The following BLTP1 variants were observed in gnomAD, a reference collection of about 807,000 sequenced individuals.
BLTP1 encodes the protein fragile site-associated protein.
chr4:122,246,138 T>TA, the BLTP1 span: 2 of 1,550,770 alleles, frequency 1.3e-6, no homozygotes, highest in East Asian at 2.3e-5. Flanking sequence ...TAATTTCACT[T>TA]ACGATCTTTT....
At chr4:122,208,459 A>G in the BLTP1 span, 10 of 978,570 alleles carry the variant, frequency 1.0e-5, no homozygotes, top group African/African-American at 1.4e-4. Flanking sequence ...TTGATTTGCC[A>G]GTTCTGAATT....
the BLTP1 span, chr4:122,277,675 T>A: frequency 2.0e-6 from 2 of 977,752 alleles, no homozygotes; most frequent in Non-Finnish European, 2.4e-6. Flanking sequence ...TATCATTTGT[T>A]TACCACTCAC....
chr4:122,311,540 A>T, the BLTP1 span, among the ~76,000 whole-genome samples: 1 of 152,126 alleles, frequency 6.6e-6, no homozygotes, highest in Non-Finnish European at 1.5e-5. Flanking sequence ...GAAATAAGGA[A>T]TGTTAGGATT....
the BLTP1 span, among the ~76,000 whole-genome samples, chr4:122,290,746 C>T: frequency 1.5e-5 from 2 of 130,996 alleles, no homozygotes; most frequent in African/African-American, 5.9e-5. Flanking sequence ...GAGATGGCGC[C>T]ACTGTGCTCC....
chr4:122,269,960 T>A, the BLTP1 span, among the ~76,000 whole-genome samples: 1 of 152,202 alleles, frequency 6.6e-6, no homozygotes, highest in East Asian at 1.9e-4. Flanking sequence ...TTTATTTGAA[T>A]CTCCCCTCTT....
At chr4:122,270,511 T>G in the BLTP1 span, 1 of 262,492 alleles carries the variant, frequency 3.8e-6, no homozygotes, top group Non-Finnish European at 5.9e-6. Flanking sequence ...TTTATCAGAT[T>G]TTAAGGTTTT....
At chr4:122,231,978 C>A in the BLTP1 span, 2 of 841,682 alleles carry the variant, frequency 2.4e-6, no homozygotes, top group South Asian at 5.5e-5. Flanking sequence ...AATTGGATTT[C>A]TTTGTTATAT....
the BLTP1 span, chr4:122,344,525 G>A: frequency 1.2e-6 from 2 of 1,613,340 alleles, no homozygotes; most frequent in Non-Finnish European, 1.7e-6. Flanking sequence ...AAGCAAGTCT[G>A]CAAGCAAAAT....
the BLTP1 span, chr4:122,271,444 C>G: frequency 6.2e-7 from 1 of 1,613,682 alleles, no homozygotes. Flanking sequence ...ATGCAAAGAA[C>G]AAACGGACCA....
the BLTP1 span, chr4:122,174,688 A>G: frequency 7.3e-7 from 1 of 1,365,446 alleles, no homozygotes; most frequent in Non-Finnish European, 1.0e-6. Flanking sequence ...GACCCATGTT[A>G]AACATACTTT....
chr4:122,201,636 G>A, the BLTP1 span, among the ~76,000 whole-genome samples: 1 of 152,150 alleles, frequency 6.6e-6, no homozygotes, highest in African/African-American at 2.4e-5. Context: ...TGATAGCTTT[G>A]CATATTTTGT....
At chr4:122,362,139 A>AG in the BLTP1 span, 1 of 1,613,690 alleles carries the variant, frequency 6.2e-7, no homozygotes, top group Non-Finnish European at 8.5e-7. Context: ...GGCTTCAAAG[A>AG]GGAGTCATGG....
the BLTP1 span, chr4:122,185,193 G>T: frequency 1.0e-6 from 1 of 982,602 alleles, no homozygotes; most frequent in South Asian, 4.7e-5. Context: ...ACCAAGTGAT[G>T]ATAAAATCAG....
the BLTP1 span, chr4:122,351,365 C>T: frequency 7.8e-6 from 2 of 255,974 alleles, no homozygotes; most frequent in Admixed American, 6.5e-5. Context: ...TGTATATATG[C>T]GTACATTTTA....
chr4:122,225,607 A>G, the BLTP1 span: 1 of 152,172 alleles, frequency 6.6e-6, no homozygotes, highest in South Asian at 2.1e-4. Flanking sequence ...AAAAATTAAT[A>G]TTCTAGAAAT....
the BLTP1 span, among the ~76,000 whole-genome samples, chr4:122,358,872 T>C: frequency 6.6e-6 from 1 of 152,114 alleles, no homozygotes; most frequent in East Asian, 1.9e-4. Context: ...CTAATACCTA[T>C]GTTGCAGATT....
chr4:122,237,989 A>G, the BLTP1 span: 1 of 1,312,146 alleles, frequency 7.6e-7, no homozygotes, highest in South Asian at 1.7e-5. Flanking sequence ...CTCAAAAAAA[A>G]AAAAAAAAAA....
chr4:122,290,237 A>T, the BLTP1 span, among the ~76,000 whole-genome samples: 1 of 152,192 alleles, frequency 6.6e-6, no homozygotes, highest in Non-Finnish European at 1.5e-5. Context: ...GTCTTAAAAG[A>T]TCAGATCATT....
the BLTP1 span, chr4:122,239,416 A>C: frequency 3.0e-6 from 3 of 985,244 alleles, no homozygotes; most frequent in East Asian, 8.0e-5. Context: ...CTTGTAAAGT[A>C]CATGATTAAA....
Sources: allele counts gnomAD v4.1 joint callset (sites outside exome capture counted in the v4.1 genomes callset), GRCh38; gene constraint gnomAD v4.1.1; transcripts MANE v1.5; gene names NCBI Gene and HGNC (gene_info 2026-07-23, HGNC 2026-07-21).